The following GALNTL6 variants were observed in gnomAD, a reference collection of about 807,000 sequenced individuals.
GALNTL6 encodes polypeptide N-acetylgalactosaminyltransferase like 6, also known as polypeptide N-acetylgalactosaminyltransferase-like 6.
A neutral mutation model predicts 73.7 loss-of-function variants in GALNTL6; 46 were observed. That is an observed-to-expected ratio of 0.62 (90% confidence interval 0.49 to 0.80). The LOEUF (loss-of-function observed/expected upper bound fraction) is 0.80, where lower values mean the gene tolerates loss of function less well. Ranked by LOEUF, GALNTL6 falls within the 30% of genes least tolerant of loss-of-function variation. GALNTL6 has a pLI of 0.00. For synonymous variants in GALNTL6, 259 were observed against 263.7 expected, an observed-to-expected ratio of 0.98 and a Z score of 0.17; for missense variants, 604 against 755.0, an observed-to-expected ratio of 0.80 and a Z score of 2.34.
At chr4:172,830,778 A>T (rs1431698062) in intron 7 of GALNTL6, among the ~76,000 whole-genome samples, 1 of 152,206 alleles carries the variant, frequency 6.6e-6, no homozygotes. Context: ...GGGACCAGAG[A>T]AAGAGATCTC....
At chr4:171,870,154 T>TTACC (rs1327026119) in intron 2 of GALNTL6, among the ~76,000 whole-genome samples, 1 of 152,216 alleles carries the variant, frequency 6.6e-6, no homozygotes, top group Non-Finnish European at 1.5e-5. Flanking sequence ...GTTTTGTAAA[T>TTACC]AGCTGCATTA....
intron 2 of GALNTL6, among the ~76,000 whole-genome samples, chr4:172,074,869 A>G (rs554113580): frequency 6.6e-6 from 1 of 152,330 alleles, no homozygotes; most frequent in African/African-American, 2.4e-5. Flanking sequence ...GAGGAGTTTT[A>G]CCTTGCATGC....
At chr4:172,582,707 C>G (rs1737239419) in intron 5 of GALNTL6, among the ~76,000 whole-genome samples, 1 of 151,696 alleles carries the variant, frequency 6.6e-6, no homozygotes. Context: ...AAAACACTCT[C>G]AGAGAATTCC....
intron 5 of GALNTL6, among the ~76,000 whole-genome samples, chr4:172,627,879 T>A (rs954706854): frequency 3.9e-5 from 6 of 152,188 alleles, no homozygotes; most frequent in Admixed American, 1.3e-4. Context: ...TTGTGCTTAT[T>A]TGGATATTCT....
At chr4:172,863,125 T>C (rs1199534292) in intron 7 of GALNTL6, among the ~76,000 whole-genome samples, 1 of 152,216 alleles carries the variant, frequency 6.6e-6, no homozygotes, top group African/African-American at 2.4e-5. Flanking sequence ...TGGAAATGCC[T>C]GGATGTTCAG....
At chr4:172,133,663 C>A (rs1004235343) in intron 2 of GALNTL6, among the ~76,000 whole-genome samples, 2 of 152,138 alleles carry the variant, frequency 1.3e-5, no homozygotes, top group African/African-American at 4.8e-5. Flanking sequence ...CACGGGTGAC[C>A]AACTGAACTG....
chr4:171,961,030 C>T (rs952828743), intron 2 of GALNTL6, among the ~76,000 whole-genome samples: 1 of 152,016 alleles, frequency 6.6e-6, no homozygotes, highest in African/African-American at 2.4e-5. Context: ...TCCAAGAAGC[C>T]ACTCTTGAGG....
chr4:172,577,497 G>T (rs1484825978), intron 5 of GALNTL6, among the ~76,000 whole-genome samples: 1 of 152,100 alleles, frequency 6.6e-6, no homozygotes, highest in Non-Finnish European at 1.5e-5. Context: ...ACGCCCCACA[G>T]GTCCCTTGCC....
chr4:172,272,142 A>G (rs1738679492), intron 3 of GALNTL6, among the ~76,000 whole-genome samples: 2 of 152,012 alleles, frequency 1.3e-5, no homozygotes, highest in Non-Finnish European at 2.9e-5. Flanking sequence ...TTTGGTAGAG[A>G]TGAGGTTTTG....
intron 2 of GALNTL6, among the ~76,000 whole-genome samples, chr4:171,939,180 G>A (rs1738446317): frequency 6.6e-6 from 1 of 151,704 alleles, no homozygotes; most frequent in African/African-American, 2.4e-5. Flanking sequence ...TTTATTTTAT[G>A]TTACTCACTC....
intron 10 of GALNTL6, among the ~76,000 whole-genome samples, chr4:172,987,401 G>A (rs991095984): frequency 1.3e-5 from 2 of 152,066 alleles, no homozygotes; most frequent in South Asian, 4.2e-4. Context: ...GACTGTGAGG[G>A]TAACCACCCC....
At chr4:172,284,181 A>C (rs778644038) in intron 3 of GALNTL6, among the ~76,000 whole-genome samples, 1 of 152,330 alleles carries the variant, frequency 6.6e-6, no homozygotes, top group South Asian at 2.1e-4. Context: ...TAGAAAAAAA[A>C]TAGGCTAAGA....
In GALNTL6 at chr4:172,024,690, T is replaced by C. The variant is rs533608751; in HGVS notation, c.139-204966T>C. Among the ~76,000 whole-genome samples, 7 of 152,068 alleles carry C rather than the reference T, an allele frequency of 4.6e-5. No individual in the cohort carries two copies. In the South Asian group the frequency reaches 1.2e-3, roughly 27 times the overall value. On this transcript the variant is annotated intron_variant, in intron 2 of 12. Coordinates refer to ENST00000506823, the MANE Select transcript of GALNTL6 (RefSeq NM_001034845.3). ...TGCCATAGAACTGTATAGTGAACTATGATTATTATTTGAGAGTATCCAGAA... is the reference window on the plus strand; with the variant it reads ...TGCCATAGAACTGTATAGTGAACTACGATTATTATTTGAGAGTATCCAGAA...
At chr4:171,982,411 C>T (rs1327836868) in intron 2 of GALNTL6, among the ~76,000 whole-genome samples, 1 of 152,104 alleles carries the variant, frequency 6.6e-6, no homozygotes, top group Non-Finnish European at 1.5e-5. Flanking sequence ...CATTCTCCTG[C>T]TTCAGCCTCC....
intron 5 of GALNTL6, among the ~76,000 whole-genome samples, chr4:172,447,868 T>C (rs560414844): frequency 6.6e-6 from 1 of 152,296 alleles, no homozygotes; most frequent in South Asian, 2.1e-4. Flanking sequence ...TTCATTTATA[T>C]TAAAGGCAAA....
At chr4:172,022,669 G>A (rs770500644) in intron 2 of GALNTL6, among the ~76,000 whole-genome samples, 16 of 151,754 alleles carry the variant, frequency 1.1e-4, no homozygotes, top group Non-Finnish European at 1.6e-4. Context: ...GCAATGTCTT[G>A]TCTGATTACT....
intron 2 of GALNTL6, among the ~76,000 whole-genome samples, chr4:171,920,909 A>T (rs1398967496): frequency 6.6e-6 from 1 of 152,108 alleles, no homozygotes; most frequent in Admixed American, 6.6e-5. Context: ...TAAAAATCAC[A>T]TGTACCAATA....
At chr4:171,952,472 C>T (rs1738914874) in intron 2 of GALNTL6, among the ~76,000 whole-genome samples, 1 of 151,538 alleles carries the variant, frequency 6.6e-6, no homozygotes, top group Non-Finnish European at 1.5e-5. Flanking sequence ...AATGCAAAAG[C>T]CTATATATAT....
At chr4:172,912,847 G>A (rs1323203154) in intron 8 of GALNTL6, among the ~76,000 whole-genome samples, 2 of 152,210 alleles carry the variant, frequency 1.3e-5, no homozygotes, top group African/African-American at 4.8e-5. Context: ...GTCCCTGTCT[G>A]ACAGCTTTGA....
Sources: gnomAD v4.1 joint callset for allele counts (sites outside exome capture counted in the v4.1 genomes callset) on GRCh38, gnomAD v4.1.1 for gene constraint, MANE v1.5 for transcripts, NCBI Gene and HGNC (gene_info 2026-07-23, HGNC 2026-07-21) for gene names.